CTNNA3: variants seen among roughly 807,000 people sequenced by gnomAD.
CTNNA3 encodes catenin alpha 3.
A neutral mutation model predicts 95.7 loss-of-function variants in CTNNA3; 76 were observed. The observed-to-expected ratio is 0.79, with a 90% CI of 0.66 to 0.96. The LOEUF (loss-of-function observed/expected upper bound fraction) is 0.96. Among genes scored for constraint, CTNNA3 ranks in the 40% least tolerant of loss-of-function variants. The probability of loss-of-function intolerance (pLI) is 0.00; values close to 1 mark genes in which losing one functional copy is unlikely to be tolerated. For synonymous variants in CTNNA3, 431 were observed against 374.4 expected (o/e 1.15, Z -1.74); for missense variants, 1,191 against 1,089.8 (o/e 1.09, Z -1.31).
intron 1 of CTNNA3, among the ~76,000 whole-genome samples, chr10:67,725,554 A>T (rs929448848): frequency 6.6e-6 from 1 of 152,066 alleles, no homozygotes; most frequent in African/African-American, 2.4e-5. Flanking sequence ...TCCCAGTGTT[A>T]TCATTTGTCA....
intron 13 of CTNNA3, among the ~76,000 whole-genome samples, chr10:66,136,060 C>T (rs951846709): frequency 6.6e-6 from 1 of 152,022 alleles, no homozygotes; most frequent in Non-Finnish European, 1.5e-5. Context: ...CACCACCACG[C>T]CTGGCTAATT....
chr10:66,169,283 T>C (rs1022528749), intron 13 of CTNNA3, among the ~76,000 whole-genome samples: 1 of 152,196 alleles, frequency 6.6e-6, no homozygotes. Flanking sequence ...CAATTCTTGC[T>C]TTTCCATTCC....
intron 1 of CTNNA3, among the ~76,000 whole-genome samples, chr10:67,736,018 A>G (rs1841300423): frequency 6.6e-6 from 1 of 152,216 alleles, no homozygotes; most frequent in Non-Finnish European, 1.5e-5. Context: ...ATTATTTACA[A>G]CAGCCAAAAG....
intron 13 of CTNNA3, among the ~76,000 whole-genome samples, chr10:66,273,115 A>G (rs939467534): frequency 6.6e-6 from 1 of 152,146 alleles, no homozygotes; most frequent in Non-Finnish European, 1.5e-5. Context: ...TCTTTCCTTA[A>G]TAAGTCAAGA....
rs1271204316 is a variant in CTNNA3, at chr10:67,737,455, C to T, written c.-2+25979G>A. On this transcript the variant is annotated intron_variant, in intron 1 of 17. Transcript: ENST00000684154. ...CCCCAAAGAACTAGAAAAGCAGGAA[C>T]AAACCAAACCCAAAATTACCAGAAG... 2.0e-5 allele frequency among the ~76,000 whole-genome samples: 3 copies of T among 152,134 alleles called. No homozygotes were observed. In the East Asian group the frequency reaches 5.8e-4, roughly 29 times the overall value.
chr10:66,412,749 G>A (rs540715000), intron 11 of CTNNA3, among the ~76,000 whole-genome samples: 62 of 151,910 alleles, frequency 4.1e-4, no homozygotes, highest in Admixed American at 1.2e-3. Flanking sequence ...ATTAGTCACC[G>A]CGCCTGGCCC....
chr10:67,389,010 CA>C (rs1299827948), intron 5 of CTNNA3, among the ~76,000 whole-genome samples: 178 of 151,640 alleles, frequency 1.2e-3, no homozygotes, highest in African/African-American at 4.0e-3. Flanking sequence ...AACTAACGAG[CA>C]AAATAACCAG....
chr10:66,827,866 GAGAA>G lies in CTNNA3; in HGVS notation c.1048-52346_1048-52343del, dbSNP rs376184329. On this transcript the variant is annotated intron_variant, in intron 7 of 17. Transcript: ENST00000433211. ...CAGTAACTTGGTAGACATAAAAGTG[GAGAA>G]AGAAATTGCCTTTCTGAATACTAGA... Among the ~76,000 whole-genome samples the G allele has an allele frequency of 5.8e-4, 89 of 152,274 alleles. No homozygotes were observed. In the East Asian group the frequency reaches 0.016, roughly 27 times the overall value.
chr10:66,953,863 T>C (rs941426284), intron 7 of CTNNA3, among the ~76,000 whole-genome samples: 1 of 152,148 alleles, frequency 6.6e-6, no homozygotes, highest in African/African-American at 2.4e-5. Context: ...CCAGAAGAGC[T>C]ATGTGACCTT....
chr10:66,348,443 T>C (rs1407197455), intron 12 of CTNNA3, among the ~76,000 whole-genome samples: 2 of 152,056 alleles, frequency 1.3e-5, no homozygotes, highest in Admixed American at 6.6e-5. Context: ...GTTGTGGGAT[T>C]GAGTGTGATA....
At chr10:67,384,459 A>G (rs1178111209) in intron 5 of CTNNA3, among the ~76,000 whole-genome samples, 2 of 152,172 alleles carry the variant, frequency 1.3e-5, no homozygotes, top group African/African-American at 2.4e-5. Flanking sequence ...CTTCATAGAC[A>G]TGGTTTTTCT....
intron 11 of CTNNA3, among the ~76,000 whole-genome samples, chr10:66,384,479 T>A (rs1033467111): frequency 6.6e-6 from 1 of 152,014 alleles, no homozygotes; most frequent in Non-Finnish European, 1.5e-5. Flanking sequence ...TAGACTCTCA[T>A]ACAATAATAA....
At chr10:67,219,538 T>C in intron 6 of CTNNA3, 69 bp downstream of exon 6, 3 of 1,472,696 alleles carry the variant, frequency 2.0e-6, no homozygotes, top group Non-Finnish European at 2.7e-6. Flanking sequence ...ATGTGGATCT[T>C]CTTCTGTTTT....
At chr10:66,427,122 A>C (rs1040314401) in intron 11 of CTNNA3, among the ~76,000 whole-genome samples, 3 of 151,862 alleles carry the variant, frequency 2.0e-5, no homozygotes, top group African/African-American at 4.8e-5. Context: ...CAGTTTTAAA[A>C]ATTGTAACTC....
intron 13 of CTNNA3, among the ~76,000 whole-genome samples, chr10:66,211,216 G>C (rs1462907921): frequency 6.6e-6 from 1 of 152,170 alleles, no homozygotes; most frequent in Non-Finnish European, 1.5e-5. Context: ...GCCAAGGCGT[G>C]AACATATAAT....
At chr10:66,616,227 C>T (rs1420063073) in intron 10 of CTNNA3, among the ~76,000 whole-genome samples, 2 of 152,036 alleles carry the variant, frequency 1.3e-5, no homozygotes, top group South Asian at 4.1e-4. Context: ...CACAAAATAC[C>T]TTGGTCAACT....
intron 17 of CTNNA3, among the ~76,000 whole-genome samples, chr10:65,921,010 A>G (rs1282159650): frequency 6.6e-6 from 1 of 152,168 alleles, no homozygotes; most frequent in African/African-American, 2.4e-5. Context: ...GTGTTTTGCA[A>G]ATAACCCTAA....
At chr10:66,051,097 AGCCCTT>A (rs1411027019) in intron 15 of CTNNA3, among the ~76,000 whole-genome samples, 6 of 152,056 alleles carry the variant, frequency 3.9e-5, no homozygotes, top group African/African-American at 1.4e-4. Flanking sequence ...ACTGGTCTTG[AGCCCTT>A]GGCCTCAAGC....
chr10:66,355,450 GACGCTTCCCTCTA>G (rs1352015053), intron 12 of CTNNA3, among the ~76,000 whole-genome samples: 21 of 152,020 alleles, frequency 1.4e-4, no homozygotes, highest in African/African-American at 2.4e-5. Flanking sequence ...CTCCACGAAT[GACGCTTCCCTCTA>G]ACCCTTGAGA....
Sources: gnomAD v4.1 joint callset for allele counts (sites outside exome capture counted in the v4.1 genomes callset) on GRCh38, gnomAD v4.1.1 for gene constraint, MANE v1.5 for transcripts, NCBI Gene and HGNC (gene_info 2026-07-23, HGNC 2026-07-21) for gene names.